Variants in CHEK1 observed in about 807,000 individuals in gnomAD.
CHEK1 encodes the protein checkpoint kinase 1, also known as serine/threonine-protein kinase Chk1.
In CHEK1, 32 loss-of-function variants were observed where a neutral mutation model predicts 60.2. The observed-to-expected ratio is 0.53, with a 90% CI of 0.40 to 0.71. The LOEUF (loss-of-function observed/expected upper bound fraction) is 0.71. Ranked by LOEUF, CHEK1 falls within the 30% of genes least tolerant of loss-of-function variation. The pLI, the probability that CHEK1 is intolerant of heterozygous loss-of-function variation, is 0.00. For missense variants in CHEK1, 399 were observed against 564.6 expected, an observed-to-expected ratio of 0.71 and a Z score of 2.97; for synonymous variants, 179 against 187.2, an observed-to-expected ratio of 0.96 and a Z score of 0.36.
At chr11:125,676,279 C>T (rs1000992894), downstream of CHEK1, 307 of 1,521,682 alleles carry the variant, frequency 2.0e-4, 5 homozygotes, top group Admixed American at 5.3e-3. Flanking sequence ...TTCCTGGGCC[C>T]CTGTCATTCC....
At chr11:125,672,830 T>C in intron 13 of CHEK1, 1 of 1,301,318 alleles carries the variant, frequency 7.7e-7, no homozygotes, top group South Asian at 1.7e-5. Flanking sequence ...CACTTGTCCA[T>C]TATCCCTTCT....
intron 5 of CHEK1, 79 bp downstream of exon 5, chr11:125,629,539 T>C: frequency 6.5e-6 from 7 of 1,083,114 alleles, no homozygotes; most frequent in Non-Finnish European, 9.2e-6. Flanking sequence ...ATTATTTTAA[T>C]ATAGCCATAC....
In CHEK1 at chr11:125,629,374, C is replaced by G. The variant is rs924038029; in HGVS notation, c.355-17C>G. The G allele has an allele frequency of 6.2e-7, 1 of 1,613,252 alleles. No homozygotes were observed. The highest frequency in any genetic ancestry group is 8.5e-7 in the Non-Finnish European group (1 of 1,179,312). ...CATTACCAAATTCTAGTGTGTTTCTCTCTGCATCCCTCTTAGGTTTATCTG... is the reference window on the plus strand; with the variant it reads ...CATTACCAAATTCTAGTGTGTTTCTGTCTGCATCCCTCTTAGGTTTATCTG... On this transcript the variant is annotated splice_polypyrimidine_tract_variant and intron_variant, in intron 4 of 12. Transcript: ENST00000438015.
chr11:125,648,290 T>C (rs1306525710), intron 11 of CHEK1, among the ~76,000 whole-genome samples: 6 of 152,112 alleles, frequency 3.9e-5, no homozygotes, highest in African/African-American at 1.4e-4. Context: ...TATATTAAGA[T>C]TACATTATTT....
intron 12 of CHEK1, 28 bp from the exon 13 acceptor site, chr11:125,655,197 T>C: frequency 6.4e-7 from 1 of 1,554,352 alleles, no homozygotes; most frequent in African/African-American, 1.4e-5. Context: ...TGTTTTGACA[T>C]AATTTTTTAA....
downstream of CHEK1, among the ~76,000 whole-genome samples, chr11:125,678,978 T>TA (rs1555078666): frequency 5.9e-4 from 52 of 88,364 alleles, no homozygotes; most frequent in African/African-American, 1.4e-3. Context: ...TCTAGGCATA[T>TA]TATATATATA....
intron 11 of CHEK1, among the ~76,000 whole-genome samples, chr11:125,645,771 A>G (rs932473843): frequency 1.3e-5 from 2 of 152,240 alleles, no homozygotes; most frequent in Non-Finnish European, 2.9e-5. Flanking sequence ...ATAAAGGCCA[A>G]TAAACACACA....
chr11:125,680,442 C>T (rs202016255), downstream of CHEK1, among the ~76,000 whole-genome samples: 3 of 152,194 alleles, frequency 2.0e-5, no homozygotes, highest in East Asian at 5.8e-4. Flanking sequence ...TTCTACAGAA[C>T]CCCTAAGCCT....
downstream of CHEK1, chr11:125,657,260 T>C (rs1046128028): frequency 8.4e-6 from 1 of 118,450 alleles, no homozygotes; most frequent in Non-Finnish European, 1.9e-5. Flanking sequence ...AGCATAATTA[T>C]ATAAAAATAT....
In CHEK1 at chr11:125,639,382, C is replaced by CTTTTTTTT. The variant is rs367756024; in HGVS notation, c.814+1851_814+1858dup. Among the ~76,000 whole-genome samples the CTTTTTTTT allele has an allele frequency of 1.0e-3, 108 of 106,374 alleles. 4 individuals are homozygous for CTTTTTTTT. Among genetic ancestry groups the CTTTTTTTT allele is most frequent in the Non-Finnish European group, 1.6e-3 (88 of 56,000 alleles). 69.8% of individuals were successfully genotyped at this position (106,374 alleles called of 152,430 possible). ...AATCACGTTTTTATAATACTTTTCT[C>CTTTTTTTT]TTTTTTTTTTTTTTTTTTTTGAGAC... On this transcript the variant is annotated intron_variant, in intron 8 of 12. Coordinates refer to ENST00000438015, the MANE Select transcript of CHEK1 (RefSeq NM_001114122.3).
intron 13 of CHEK1, chr11:125,672,432 T>G: frequency 2.6e-6 from 2 of 768,910 alleles, no homozygotes; most frequent in Non-Finnish European, 2.1e-6. Context: ...GATAAAAGCA[T>G]GAATAGAAGA....
At chr11:125,649,559 A>G (rs756636559) in intron 11 of CHEK1, among the ~76,000 whole-genome samples, 3 of 152,050 alleles carry the variant, frequency 2.0e-5, no homozygotes, top group Non-Finnish European at 4.4e-5. Context: ...CCCCATCTCT[A>G]CTAAAAATAT....
At chr11:125,662,670 G>T (rs888677402) in intron 13 of CHEK1, among the ~76,000 whole-genome samples, 4 of 152,136 alleles carry the variant, frequency 2.6e-5, no homozygotes. Flanking sequence ...TTTTGCTATT[G>T]TGACTAAAGC....
intron 6 of CHEK1, among the ~76,000 whole-genome samples, 165 bp downstream of exon 6, chr11:125,633,516 T>C (rs1940947659): frequency 6.6e-6 from 1 of 152,196 alleles, no homozygotes; most frequent in African/African-American, 2.4e-5. Context: ...TGAGCTGTTA[T>C]AGCTCACTGC....
rs938654934 is a variant in CHEK1, at chr11:125,625,530, T to C, written c.-503T>C. ...TTACAAAGCACTCTGCTTCACCGAC[T>C]GTGATCCTCACAGTCCTGTCCGGTG... is the stretch of plus-strand genomic sequence containing the variant. On this transcript the variant is annotated 5_prime_UTR_variant, in exon 1 of 13. Coordinates refer to ENST00000438015, the MANE Select transcript of CHEK1 (RefSeq NM_001114122.3). 1 of 530,556 alleles carries C rather than the reference T, an allele frequency of 1.9e-6. No individual in the cohort carries two copies. The highest frequency in any genetic ancestry group is 3.4e-6 in the Non-Finnish European group (1 of 296,638). The allele number at this position is 530,556 out of a possible 1,614,324, so 32.9% of individuals were successfully genotyped here. A position where few individuals can be genotyped will look rare whatever the true frequency, so the allele number is the denominator to read the frequency against.
At chr11:125,654,491 A>G (rs1328226382) in intron 12 of CHEK1, among the ~76,000 whole-genome samples, 1 of 152,202 alleles carries the variant, frequency 6.6e-6, no homozygotes, top group African/African-American at 2.4e-5. Context: ...TGTTACAAAT[A>G]TTTCATTATA....
At chr11:125,642,419 G>A (rs768342948) in intron 8 of CHEK1, among the ~76,000 whole-genome samples, 1 of 152,058 alleles carries the variant, frequency 6.6e-6, no homozygotes, top group Non-Finnish European at 1.5e-5. Context: ...GATTTAAAAG[G>A]TCAAGAGTTT....
intron 13 of CHEK1, among the ~76,000 whole-genome samples, chr11:125,666,565 T>C (rs1044799013): frequency 1.3e-5 from 2 of 152,204 alleles, no homozygotes; most frequent in Non-Finnish European, 2.9e-5. Flanking sequence ...ATGATCTGGA[T>C]GATCCGTTCA....
chr11:125,644,254 C>T lies in CHEK1; in HGVS notation c.1087C>T (p.Pro363Ser), dbSNP rs764708405. 1 of 1,612,460 alleles carries T rather than the reference C, an allele frequency of 6.2e-7. No individual in the cohort carries two copies. Among genetic ancestry groups the T allele is most frequent in the Non-Finnish European group, 8.5e-7 (1 of 1,179,616 alleles). Residue 363 changes from proline (P) to serine (S), a missense_variant, in exon 10 of 13, where the codon CCA becomes TCA. By Grantham distance (74) the Pro-to-Ser change is moderately conservative (BLOSUM62 -1). Coordinates refer to ENST00000438015, the MANE Select transcript of CHEK1 (RefSeq NM_001114122.3). ...MLLNSQLLGT[P>S]GSSQNPWQRL... Reference sequence around the variant, plus strand: ...TTTGAATAGTCAGTTACTTGGCACCCCAGGATCCTCACAGGTGAGGGAATT... The same window carrying T: ...TTTGAATAGTCAGTTACTTGGCACCTCAGGATCCTCACAGGTGAGGGAATT...
Sources: gnomAD v4.1 joint callset for allele counts (sites outside exome capture counted in the v4.1 genomes callset) on GRCh38, gnomAD v4.1.1 for gene constraint, MANE v1.5 for transcripts, NCBI Gene and HGNC (gene_info 2026-07-23, HGNC 2026-07-21) for gene names.